Variants in PTCHD1 observed in about 807,000 individuals in gnomAD.
The protein encoded by PTCHD1 is patched domain-containing protein 1.
In PTCHD1, 3 loss-of-function variants were observed where a neutral mutation model predicts 34.6. That is an observed-to-expected ratio of 0.09 (90% CI 0.04 to 0.22). PTCHD1 has a LOEUF of 0.22. Among genes scored for constraint, PTCHD1 ranks in the 10% least tolerant of loss-of-function variants. The probability of loss-of-function intolerance (pLI) is 1.00; values close to 1 mark genes in which losing one functional copy is unlikely to be tolerated. For synonymous variants in PTCHD1, 305 were observed against 283.1 expected, an observed-to-expected ratio of 1.08 and a Z score of -0.77; for missense variants, 504 against 685.5, an observed-to-expected ratio of 0.74 and a Z score of 2.96.
intron 2 of PTCHD1, among the ~76,000 whole-genome samples, chrX:23,386,195 T>C: frequency 8.9e-6 from 1 of 111,941 alleles, no homozygotes; most frequent in Non-Finnish European, 1.9e-5. Context: ...TTATACACAC[T>C]GGTCTTATAT....
At chrX:23,367,073 G>A (rs769962909) in intron 1 of PTCHD1, among the ~76,000 whole-genome samples, 23 of 111,451 alleles carry the variant, frequency 2.1e-4, no homozygotes, top group Middle Eastern at 4.6e-3. Context: ...GTTCGCTTGC[G>A]CTAATCAATT....
At position 23,343,564 on chromosome X, in the gene PTCHD1, C is replaced by A. The variant is rs1921399750; in HGVS notation, c.351+8338C>A. Among the ~76,000 whole-genome samples, 5 of 112,411 alleles carry A rather than the reference C, an allele frequency of 4.4e-5. No homozygotes were observed. The South Asian group carries it at 1.8e-3, about 42-fold the overall frequency. ...ACAAGTGGTTTTCCTGACCATAGCACCAGTGTTCAGGAGATCACCATTCTG... is the reference window on the plus strand; with the variant it reads ...ACAAGTGGTTTTCCTGACCATAGCAACAGTGTTCAGGAGATCACCATTCTG... On this transcript the variant is annotated intron_variant, in intron 1 of 2. Coordinates refer to ENST00000379361, the MANE Select transcript of PTCHD1 (RefSeq NM_173495.3).
At chrX:23,374,893 G>A (rs1051309813) in intron 1 of PTCHD1, among the ~76,000 whole-genome samples, 11 of 111,588 alleles carry the variant, frequency 9.9e-5, no homozygotes, top group Non-Finnish European at 1.7e-4. Context: ...ATAAATATGA[G>A]AACTGAAGTT....
intron 1 of PTCHD1, among the ~76,000 whole-genome samples, chrX:23,376,554 A>T (rs181640493): frequency 8.9e-6 from 1 of 112,477 alleles, no homozygotes; most frequent in Non-Finnish European, 1.9e-5. Flanking sequence ...TTCAGGTAGC[A>T]TGCGCAGTAT....
At chrX:23,391,776 G>A (rs747416016) in intron 2 of PTCHD1, among the ~76,000 whole-genome samples, 17 of 111,980 alleles carry the variant, frequency 1.5e-4, no homozygotes, top group Non-Finnish European at 2.6e-4. Context: ...CTTCTCTGGA[G>A]CGTTCCACCA....
At chrX:23,359,660 C>A (rs978589990) in intron 1 of PTCHD1, among the ~76,000 whole-genome samples, 3 of 111,878 alleles carry the variant, frequency 2.7e-5, no homozygotes, top group Non-Finnish European at 3.8e-5. Flanking sequence ...TGCCTGATTG[C>A]CCTGGCCAGA....
chrX:23,394,020 C>T lies in PTCHD1; in HGVS notation c.2502C>T (p.Thr834=). The change falls in exon 3 of 3, where the codon ACC becomes ACT. Residue 834 remains threonine, a synonymous_variant. Coordinates refer to ENST00000379361, the MANE Select transcript of PTCHD1 (RefSeq NM_173495.3). ...GCTTGTTTTTAATAGCATTTGTCACCTTCTTTCACTGCTTTGCCATTTTAC... is the reference window on the plus strand; with the variant it reads ...GCTTGTTTTTAATAGCATTTGTCACTTTCTTTCACTGCTTTGCCATTTTAC... ...FRCLFLIAFV[T]FFHCFAILPV... 8.3e-7 allele frequency: 1 copy of T among 1,210,592 alleles called. No homozygotes were observed. Among genetic ancestry groups the T allele is most frequent in the Non-Finnish European group, 1.1e-6 (1 of 895,096 alleles).
chrX:23,392,070 C>CTTTATTTTTTTTT (rs1464413678), intron 2 of PTCHD1, among the ~76,000 whole-genome samples: 1 of 39,481 alleles, frequency 2.5e-5, no homozygotes, highest in Non-Finnish European at 4.1e-5. Context: ...TTCTTTCTTT[C>CTTTATTTTTTTTT]TTTCTTTTTT....
chrX:23,354,879 TA>T (rs2146620154), intron 1 of PTCHD1, among the ~76,000 whole-genome samples: 1 of 106,604 alleles, frequency 9.4e-6, no homozygotes, highest in African/African-American at 3.3e-5. Context: ...CCAAAATTCT[TA>T]TTTTTTTTTA....
chrX:23,382,334 T>C (rs1394027761), intron 2 of PTCHD1, among the ~76,000 whole-genome samples: 1 of 112,856 alleles, frequency 8.9e-6, no homozygotes, highest in Non-Finnish European at 1.9e-5. Context: ...AAAAATGAAA[T>C]TGTAATATTC....
intron 2 of PTCHD1, among the ~76,000 whole-genome samples, chrX:23,389,396 C>T (rs746168990): frequency 2.7e-5 from 3 of 112,049 alleles, no homozygotes; most frequent in African/African-American, 9.7e-5. Context: ...TAAGAGGTGA[C>T]CACAGCTATG....
intron 2 of PTCHD1, among the ~76,000 whole-genome samples, chrX:23,382,138 A>C (rs1275591357): frequency 8.9e-6 from 1 of 111,846 alleles, no homozygotes; most frequent in South Asian, 3.8e-4. Context: ...CCGGAGCTAG[A>C]AAAAGGACAA....
chrX:23,337,218 C>T (rs754472233), intron 1 of PTCHD1, among the ~76,000 whole-genome samples: 9 of 112,028 alleles, frequency 8.0e-5, no homozygotes, highest in Non-Finnish European at 1.5e-4. Context: ...GGTCAAAAAT[C>T]AGTGGATTGT....
intron 2 of PTCHD1, among the ~76,000 whole-genome samples, chrX:23,387,521 A>T (rs1368888725): frequency 1.8e-5 from 2 of 112,446 alleles, no homozygotes; most frequent in Admixed American, 1.9e-4. Context: ...TTATTAGCCT[A>T]AATTCTTTAG....
chrX:23,356,185 G>C (rs1042388059), intron 1 of PTCHD1, among the ~76,000 whole-genome samples: 1 of 112,167 alleles, frequency 8.9e-6, no homozygotes. Context: ...GAGTATGTTG[G>C]CTTGTCCAGA....
chrX:23,353,712 G>A (rs1921719001), intron 1 of PTCHD1, among the ~76,000 whole-genome samples: 1 of 112,512 alleles, frequency 8.9e-6, no homozygotes, highest in Non-Finnish European at 1.9e-5. Flanking sequence ...ATTCGTAGCG[G>A]AGCCATTCAA....
intron 2 of PTCHD1, among the ~76,000 whole-genome samples, chrX:23,391,415 ATCCTAATTT>A (rs1357296212): frequency 9.0e-6 from 1 of 111,130 alleles, no homozygotes; most frequent in Non-Finnish European, 1.9e-5. Flanking sequence ...TTCAACCTGA[ATCCTAATTT>A]TTATCAATAA....
intron 2 of PTCHD1, among the ~76,000 whole-genome samples, chrX:23,383,773 A>C (rs1922620152): frequency 8.9e-6 from 1 of 112,308 alleles, no homozygotes; most frequent in African/African-American, 3.2e-5. Context: ...ATGTTCATCG[A>C]CATTTTTTAG....
At chrX:23,354,430 C>CAG (rs3032246) in intron 1 of PTCHD1, among the ~76,000 whole-genome samples, 11,598 of 98,657 alleles carry the variant, frequency 0.12, 1,959 homozygotes, top group African/African-American at 0.41. Context: ...TTATTTTACA[C>CAG]AGAGAGAGAG....
Sources: allele counts gnomAD v4.1 joint callset (sites outside exome capture counted in the v4.1 genomes callset), GRCh38; gene constraint gnomAD v4.1.1; transcripts MANE v1.5; gene names NCBI Gene and HGNC (gene_info 2026-07-23, HGNC 2026-07-21).